COBL: variants seen among roughly 807,000 people sequenced by gnomAD.
The protein encoded by COBL is protein cordon-bleu.
In COBL, 51 loss-of-function variants were observed where a neutral mutation model predicts 98.8. That is an observed-to-expected ratio of 0.52 (90% CI 0.41 to 0.65). The LOEUF (loss-of-function observed/expected upper bound fraction) is 0.65, where lower values mean the gene tolerates loss of function less well. COBL is among the 30% of genes least tolerant of loss of function. The pLI is 0.00. For synonymous variants in COBL, 634 were observed against 651.7 expected (o/e 0.97, Z 0.41); for missense variants, 1,617 against 1,617.5 (o/e 1.00, Z 0.01).
At chr7:51,253,884 T>A (rs1796964490) in intron 1 of COBL, among the ~76,000 whole-genome samples, 1 of 152,238 alleles carries the variant, frequency 6.6e-6, no homozygotes, top group South Asian at 2.1e-4. Flanking sequence ...TTAGATTCCT[T>A]TGTTTCTGTT....
At chr7:51,155,146 C>A (rs889552104) in intron 5 of COBL, among the ~76,000 whole-genome samples, 1 of 152,148 alleles carries the variant, frequency 6.6e-6, no homozygotes, top group Admixed American at 6.5e-5. Context: ...CAGAAGATAA[C>A]CTCTGGAAGA....
At chr7:51,284,268 T>A (rs1800097033) in intron 1 of COBL, among the ~76,000 whole-genome samples, 1 of 149,044 alleles carries the variant, frequency 6.7e-6, no homozygotes, top group Non-Finnish European at 1.5e-5. Context: ...GCCACTGCAC[T>A]CCAGCCTGGG....
At chr7:51,301,350 G>A (rs2129203241) in intron 1 of COBL, among the ~76,000 whole-genome samples, 1 of 152,336 alleles carries the variant, frequency 6.6e-6, no homozygotes, top group South Asian at 2.1e-4. Flanking sequence ...TATCTGAGCA[G>A]GAGCCTCACA....
chr7:51,303,171 G>C (rs903806070), intron 1 of COBL, among the ~76,000 whole-genome samples: 1 of 152,108 alleles, frequency 6.6e-6, no homozygotes, highest in African/African-American at 2.4e-5. Context: ...TTTTACATTC[G>C]GATGCAGAGA....
chr7:51,147,984 G>A (rs936991144), intron 5 of COBL, among the ~76,000 whole-genome samples: 1 of 151,872 alleles, frequency 6.6e-6, no homozygotes, highest in Admixed American at 6.6e-5. Flanking sequence ...GGATGGTCAC[G>A]ATCTCCGGAT....
chr7:51,169,715 G>A (rs992083766), intron 5 of COBL, among the ~76,000 whole-genome samples: 1 of 152,190 alleles, frequency 6.6e-6, no homozygotes, highest in African/African-American at 2.4e-5. Flanking sequence ...CACTGGGGAG[G>A]TGGGGATGGT....
chr7:51,244,966 C>A (rs1353813123), intron 1 of COBL, among the ~76,000 whole-genome samples: 2 of 152,202 alleles, frequency 1.3e-5, no homozygotes, highest in Non-Finnish European at 2.9e-5. Context: ...TAGTCTCTCC[C>A]TGTCTTGGCT....
chr7:51,254,906 T>C (rs752758212), intron 1 of COBL, among the ~76,000 whole-genome samples: 1 of 152,240 alleles, frequency 6.6e-6, no homozygotes, highest in Non-Finnish European at 1.5e-5. Context: ...GGTTTCTCAG[T>C]TGCTGATTAC....
rs572096085 is a variant in COBL, at chr7:51,138,968, C to A, written c.784-2637G>T. Among the ~76,000 whole-genome samples, 3 of 152,244 alleles carry A rather than the reference C, an allele frequency of 2.0e-5. No homozygotes were observed. The South Asian group carries it at 6.2e-4, about 32-fold the overall frequency. ...TGATCAATCAATACTGCTGTGAATC[C>A]ACCTCTGTCCTGTAAGTGCCCTGAG... On this transcript the variant is annotated intron_variant, in intron 5 of 12. Transcript: ENST00000265136.
intron 6 of COBL, among the ~76,000 whole-genome samples, chr7:51,095,954 C>T (rs533816046): frequency 1.3e-5 from 2 of 152,212 alleles, no homozygotes; most frequent in East Asian, 3.9e-4. Context: ...TATTTCAATG[C>T]TCCACTTTCA....
intron 6 of COBL, among the ~76,000 whole-genome samples, chr7:51,103,330 AT>A (rs1455331429): frequency 6.6e-6 from 1 of 152,030 alleles, no homozygotes; most frequent in Non-Finnish European, 1.5e-5. Context: ...GTTCACATCA[AT>A]TTTTTTTCCT....
chr7:51,097,865 T>C (rs1795421626), intron 6 of COBL, among the ~76,000 whole-genome samples: 1 of 151,530 alleles, frequency 6.6e-6, no homozygotes, highest in Admixed American at 6.6e-5. Flanking sequence ...CTACTAAAAA[T>C]ACAAAAAAAT....
chr7:51,282,819 TA>T (rs879512405), intron 1 of COBL, among the ~76,000 whole-genome samples: 67 of 141,616 alleles, frequency 4.7e-4, no homozygotes, highest in Middle Eastern at 3.6e-3. Context: ...TTACCAAATA[TA>T]AAAAAAAAAA....
chr7:51,262,052 G>A (rs1456235086), intron 1 of COBL, among the ~76,000 whole-genome samples: 1 of 152,228 alleles, frequency 6.6e-6, no homozygotes, highest in African/African-American at 2.4e-5. Flanking sequence ...TTGGGATGGA[G>A]CTGGAGAGGG....
At chr7:51,050,913 A>G (rs1050758707) in intron 7 of COBL, among the ~76,000 whole-genome samples, 1 of 152,238 alleles carries the variant, frequency 6.6e-6, no homozygotes, top group Non-Finnish European at 1.5e-5. Flanking sequence ...TTTATTTTGC[A>G]CATATATCTA....
intron 6 of COBL, among the ~76,000 whole-genome samples, chr7:51,089,593 G>A (rs764812820): frequency 6.6e-5 from 10 of 152,246 alleles, no homozygotes; most frequent in African/African-American, 2.4e-4. Flanking sequence ...TGCTTCTCTC[G>A]TCTTTGTCAC....
chr7:51,140,644 C>A (rs548004526), intron 5 of COBL, among the ~76,000 whole-genome samples: 1 of 152,138 alleles, frequency 6.6e-6, no homozygotes, highest in East Asian at 1.9e-4. Context: ...TTCATTGTGA[C>A]GACAAAACAC....
At chr7:51,202,660 A>G (rs1698533772) in intron 2 of COBL, among the ~76,000 whole-genome samples, 1 of 152,246 alleles carries the variant, frequency 6.6e-6, no homozygotes, top group Non-Finnish European at 1.5e-5. Context: ...AGACAAATGA[A>G]CATGGAAACA....
chr7:51,099,001 G>A (rs1163414358), intron 6 of COBL, among the ~76,000 whole-genome samples: 2 of 150,626 alleles, frequency 1.3e-5, no homozygotes, highest in East Asian at 2.0e-4. Flanking sequence ...CAAAGCATAT[G>A]AAAAGATGCT....
Sources: allele counts gnomAD v4.1 joint callset (sites outside exome capture counted in the v4.1 genomes callset), GRCh38; gene constraint gnomAD v4.1.1; transcripts MANE v1.5; gene names NCBI Gene and HGNC (gene_info 2026-07-23, HGNC 2026-07-21).